Variants in PAPLN observed in about 807,000 individuals in gnomAD.
PAPLN encodes the protein papilin, proteoglycan like sulfated glycoprotein, also known as papilin.
A neutral mutation model predicts 159.0 loss-of-function variants in PAPLN; 146 were observed. The ratio of observed to expected loss-of-function variants is 0.92; its 90% CI spans 0.80 to 1.05. The LOEUF (loss-of-function observed/expected upper bound fraction) is 1.05, where lower values mean the gene tolerates loss of function less well. Among genes scored for constraint, PAPLN ranks in the 50% least tolerant of loss-of-function variants. PAPLN has a pLI of 0.00. For missense variants in PAPLN, 1,720 were observed against 1,743.9 expected, an observed-to-expected ratio of 0.99 and a Z score of 0.24; for synonymous variants, 734 against 702.9, an observed-to-expected ratio of 1.04 and a Z score of -0.70.
intron 3 of PAPLN, 183 bp downstream of exon 3, chr14:73,244,942 C>G (rs1884030164): frequency 1.9e-6 from 1 of 533,260 alleles, no homozygotes; most frequent in South Asian, 2.3e-5. Context: ...TTTCCCAGGG[C>G]CTTCCACTCT....
chr14:73,247,314 G>T (rs1365057447), intron 5 of PAPLN, among the ~76,000 whole-genome samples: 1 of 152,198 alleles, frequency 6.6e-6, no homozygotes, highest in Non-Finnish European at 1.5e-5. Flanking sequence ...GCACCAACAT[G>T]TATGTCATTA....
At position 73,260,863 on chromosome 14, in the gene PAPLN, G is replaced by T. The variant is rs776869348; in HGVS notation, c.2106+34G>T. On this transcript the variant is annotated intron_variant, in intron 17 of 26. Coordinates refer to ENST00000644200, the MANE Select transcript of PAPLN (RefSeq NM_001365906.3). ...CTGGCCTGGGGGAGGGGAGCAGGGG[G>T]CCAGCCCGTGAGCCTGCTCAGTGTC... is the stretch of plus-strand genomic sequence containing the variant. The T allele has an allele frequency of 2.3e-5, 35 of 1,494,158 alleles. No individual in the cohort carries two copies. The East Asian group carries it at 7.8e-4, about 33-fold the overall frequency. The allele number at this position is 1,494,158 out of a possible 1,614,324, so 92.6% of individuals were successfully genotyped here.
intron 18 of PAPLN, 63 bp from the exon 19 acceptor site, chr14:73,262,287 G>T (rs752294363): frequency 3.6e-5 from 53 of 1,470,660 alleles, no homozygotes; most frequent in Non-Finnish European, 4.6e-5. Context: ...AGGCTGAGAG[G>T]ATGGAGGGTG....
At position 73,245,447 on chromosome 14, in the gene PAPLN, T is replaced by C; in HGVS notation, c.171-189T>C. On this transcript the variant is annotated intron_variant, in intron 3 of 26. Coordinates refer to ENST00000644200, the MANE Select transcript of PAPLN (RefSeq NM_001365906.3). The surrounding 1 kb of genome is among the most constrained non-coding windows in gnomAD (Gnocchi z 4.2). The stretch of plus-strand genomic sequence containing the variant: ...GGGTGGGTAGGGCTCTGAGTCCCGC[T>C]TCTCTGGAGTACCAACATGGGTCGC... 1.6e-6 allele frequency: 1 copy of C among 610,760 alleles called. No homozygotes were observed. The allele number at this position is 610,760 out of a possible 1,614,324, so 37.8% of individuals were successfully genotyped here. A position where few individuals can be genotyped will look rare whatever the true frequency, so the allele number is the denominator to read the frequency against.
intron 12 of PAPLN, 66 bp downstream of exon 12, chr14:73,254,027 T>C: frequency 2.0e-6 from 3 of 1,512,826 alleles, no homozygotes; most frequent in Non-Finnish European, 2.7e-6. Context: ...GGCTGGGGTC[T>C]TGTTCTCTGC....
intron 11 of PAPLN, chr14:73,253,347 C>A: frequency 1.1e-6 from 1 of 928,036 alleles, no homozygotes; most frequent in Non-Finnish European, 1.5e-6. Context: ...CACAGGGCTG[C>A]TCTTTCCTCT....
intron 18 of PAPLN, 125 bp from the exon 19 acceptor site, chr14:73,262,225 C>T: frequency 3.1e-6 from 3 of 977,370 alleles, no homozygotes; most frequent in Non-Finnish European, 4.6e-6. Context: ...GGCCCCCAGA[C>T]AGGGGTGTAG....
At chr14:73,251,066 C>T (rs1885199475) in intron 7 of PAPLN, 36 bp downstream of exon 7, 1 of 1,563,462 alleles carries the variant, frequency 6.4e-7, no homozygotes, top group Non-Finnish European at 8.6e-7. Context: ...GTTGCCTGCC[C>T]CCTTCCTTGC....
intron 11 of PAPLN, 50 bp downstream of exon 11, chr14:73,252,825 T>C (rs1451005861): frequency 6.2e-7 from 1 of 1,607,112 alleles, no homozygotes; most frequent in Admixed American, 1.7e-5. Flanking sequence ...AGAACTTGGG[T>C]GGGAAGGGAA....
rs748451354 is a variant in PAPLN at position 73,264,688 on chromosome 14, G to A, written c.3087G>A (p.Leu1029=). The A allele has an allele frequency of 6.2e-7, 1 of 1,611,922 alleles. No individual in the cohort carries two copies. The highest frequency in any genetic ancestry group is 2.2e-5 in the East Asian group (1 of 44,842). Residue 1029 remains leucine, a synonymous_variant, in exon 22 of 27, where the codon CTG becomes CTA. Coordinates refer to ENST00000644200, the MANE Select transcript of PAPLN (RefSeq NM_001365906.3). ...GCCAAGCGGGGGCTGCTGGGCCCCT[G>A]GGGGCCATCCCCTCTTCACACCCAC... The part of the protein sequence containing the change: ...DFGQAGAAGP[L]GAIPSSHPQP...
intron 26 of PAPLN, 27 bp downstream of exon 26, chr14:73,268,750 G>A: frequency 6.3e-7 from 1 of 1,574,846 alleles, no homozygotes; most frequent in Non-Finnish European, 8.6e-7. Flanking sequence ...TCCGGGGATG[G>A]GAAGGACATT....
rs766242141 is a variant in PAPLN at position 73,272,610 on chromosome 14, C to G, written c.3783C>G (p.Phe1261Leu). The change falls in exon 27 of 27, where the codon TTC (phenylalanine) becomes TTG (leucine). Residue 1261 changes from phenylalanine (F) to leucine (L), a missense_variant. Coordinates refer to ENST00000644200, the MANE Select transcript of PAPLN (RefSeq NM_001365906.3). Reference sequence around the variant, plus strand: ...GTGGCAATGAGTATTACTCCAGCTTCTGCTGTGCCAGCTGTTCACGTTTCC... The same window carrying G: ...GTGGCAATGAGTATTACTCCAGCTTGTGCTGTGCCAGCTGTTCACGTTTCC... ...QLCGNEYYSS[F>L]CCASCSRFQP... 6.3e-7 allele frequency: 1 copy of G among 1,597,726 alleles called. No individual in the cohort carries two copies. The highest frequency in any genetic ancestry group is 8.6e-7 in the Non-Finnish European group (1 of 1,166,462).
chr14:73,270,012 C>T (rs1350625767), intron 26 of PAPLN, among the ~76,000 whole-genome samples: 2 of 152,230 alleles, frequency 1.3e-5, no homozygotes, highest in Non-Finnish European at 2.9e-5. Context: ...CCCCAGGGCC[C>T]AGCTCAGTGC....
In PAPLN at chr14:73,263,616, T is replaced by C. The variant is rs755692403; in HGVS notation, c.2724-29T>C. On this transcript the variant is annotated intron_variant, in intron 19 of 26. Coordinates refer to ENST00000644200, the MANE Select transcript of PAPLN (RefSeq NM_001365906.3). ...GTTCTGGTCCTGGCGCTCATGCCAG[T>C]CAGCAGATCTCACTTCCCACCTCTC... is the stretch of plus-strand genomic sequence containing the variant. 6 of 1,613,302 alleles carry C rather than the reference T, an allele frequency of 3.7e-6. No homozygotes were observed. The South Asian group carries it at 5.5e-5, about 15-fold the overall frequency.
chr14:73,262,316 C>T (rs1332422670), intron 18 of PAPLN, 34 bp from the exon 19 acceptor site: 1 of 1,570,196 alleles, frequency 6.4e-7, no homozygotes, highest in Non-Finnish European at 8.7e-7. Flanking sequence ...GTACTGGGCA[C>T]CTCAGTGACT....
In PAPLN at chr14:73,252,644, C is replaced by T. The variant is rs765718047; in HGVS notation, c.968-5C>T. On this transcript the variant is annotated splice_region_variant and splice_polypyrimidine_tract_variant and intron_variant, in intron 10 of 26. Transcript: ENST00000644200. ...TCTGCCCGCCATGGCTGGGCCTCTG[C>T]GCAGGTCACCAGTCCCGCCTGGTGT... The T allele has an allele frequency of 3.2e-5, 51 of 1,611,864 alleles. No individual in the cohort carries two copies. Among genetic ancestry groups the T allele is most frequent in the South Asian group, 9.9e-5 (9 of 91,024 alleles).
rs778108378 is a variant in PAPLN at position 73,246,188 on chromosome 14, G to A, written c.334+13G>A. The A allele has an allele frequency of 6.4e-7, 1 of 1,564,384 alleles. No homozygotes were observed. Among genetic ancestry groups the A allele is most frequent in the Non-Finnish European group, 8.6e-7 (1 of 1,160,426 alleles). The stretch of plus-strand genomic sequence containing the variant: ...CCCTACTACAGCGGTGAGCGCGGCC[G>A]GGACTCGCTCTCTCGGGGCCTCTTG... On this transcript the variant is annotated intron_variant, in intron 5 of 26. Transcript: ENST00000644200.
chr14:73,261,985 T>G (rs1886637831), intron 18 of PAPLN: 2 of 231,380 alleles, frequency 8.6e-6, no homozygotes, highest in Non-Finnish European at 1.7e-5. Flanking sequence ...TGTGTCCCTA[T>G]CACAAGCTAA....
At chr14:73,246,734 A>G (rs1884427855) in intron 5 of PAPLN, 1 of 148,516 alleles carries the variant, frequency 6.7e-6, no homozygotes, top group Non-Finnish European at 1.5e-5. Flanking sequence ...AAGCTCAATC[A>G]ATCCTTCCAC....
Sources: allele counts gnomAD v4.1 joint callset (sites outside exome capture counted in the v4.1 genomes callset), GRCh38; gene constraint gnomAD v4.1.1; non-coding constraint Gnocchi (gnomAD v3.1); transcripts MANE v1.5; gene names NCBI Gene and HGNC (gene_info 2026-07-23, HGNC 2026-07-21).